C1orf21: variants seen among roughly 807,000 people sequenced by gnomAD.
C1orf21 encodes uncharacterized protein C1orf21.
In C1orf21, 3 loss-of-function variants were observed where a neutral mutation model predicts 18.7. The observed-to-expected ratio is 0.16, with a 90% CI of 0.07 to 0.42. The LOEUF (loss-of-function observed/expected upper bound fraction) is 0.42. Ranked by LOEUF, C1orf21 falls within the 10% of genes least tolerant of loss-of-function variation. C1orf21 has a pLI of 0.99. For missense variants in C1orf21, 104 were observed against 143.6 expected (o/e 0.72, Z 1.41); for synonymous variants, 41 against 46.4 (o/e 0.88, Z 0.47).
At chr1:184,489,344 A>G (rs1657780170) in intron 2 of C1orf21, among the ~76,000 whole-genome samples, 1 of 152,236 alleles carries the variant, frequency 6.6e-6, no homozygotes, top group Non-Finnish European at 1.5e-5. Context: ...ACAGAAAGAT[A>G]TTCTACTTCT....
intron 3 of C1orf21, among the ~76,000 whole-genome samples, chr1:184,578,381 G>A (rs1659225358): frequency 6.6e-6 from 1 of 152,170 alleles, no homozygotes; most frequent in Non-Finnish European, 1.5e-5. Context: ...CATGTGTTTT[G>A]TCTCATTTGA....
intron 1 of C1orf21, among the ~76,000 whole-genome samples, chr1:184,440,226 A>G (rs1656922433): frequency 6.6e-6 from 1 of 152,038 alleles, no homozygotes. Flanking sequence ...CTTTTTTATT[A>G]CTATTATTTT....
intron 2 of C1orf21, among the ~76,000 whole-genome samples, chr1:184,505,271 A>G (rs1658036022): frequency 6.8e-6 from 1 of 147,498 alleles, no homozygotes; most frequent in African/African-American, 2.5e-5. Flanking sequence ...CATCCTACAG[A>G]CAAAATCATA....
intron 3 of C1orf21, among the ~76,000 whole-genome samples, chr1:184,520,694 T>C (rs1360873119): frequency 6.8e-6 from 1 of 147,202 alleles, no homozygotes; most frequent in Non-Finnish European, 1.5e-5. Context: ...GTTATTTTCT[T>C]ATTTATTGTA....
intron 1 of C1orf21, among the ~76,000 whole-genome samples, chr1:184,441,637 T>A (rs138825356): frequency 1.5e-3 from 225 of 152,320 alleles, no homozygotes; most frequent in Middle Eastern, 0.014. Context: ...AGTTGTGTCA[T>A]CTCCATTTTA....
At chr1:184,600,546 C>A (rs910524200) in intron 5 of C1orf21, among the ~76,000 whole-genome samples, 3 of 152,158 alleles carry the variant, frequency 2.0e-5, no homozygotes, top group Non-Finnish European at 2.9e-5. Context: ...AATCTGAGAT[C>A]CCCTTTTGCT....
chr1:184,491,111 TTAAAA>T (rs968506762), intron 2 of C1orf21, among the ~76,000 whole-genome samples: 1 of 152,128 alleles, frequency 6.6e-6, no homozygotes, highest in Non-Finnish European at 1.5e-5. Context: ...AATAAAACAC[TTAAAA>T]TAATGCCTGG....
chr1:184,531,857 G>A (rs896998746), intron 3 of C1orf21, among the ~76,000 whole-genome samples: 4 of 152,080 alleles, frequency 2.6e-5, no homozygotes, highest in African/African-American at 9.7e-5. Context: ...ATTTTAATGA[G>A]ACATTTTTAT....
intron 3 of C1orf21, among the ~76,000 whole-genome samples, chr1:184,518,053 A>G (rs888703409): frequency 2.0e-5 from 3 of 152,210 alleles, no homozygotes; most frequent in Non-Finnish European, 2.9e-5. Context: ...AGAGAGAAGA[A>G]TGATACCCCT....
chr1:184,616,375 C>T (rs1469558011), intron 5 of C1orf21, among the ~76,000 whole-genome samples: 2 of 152,208 alleles, frequency 1.3e-5, no homozygotes, highest in African/African-American at 4.8e-5. Flanking sequence ...TCACTCTTTG[C>T]CTTGCAGGAC....
intron 3 of C1orf21, among the ~76,000 whole-genome samples, chr1:184,585,611 C>G (rs890846139): frequency 2.6e-5 from 4 of 152,178 alleles, no homozygotes; most frequent in African/African-American, 9.7e-5. Flanking sequence ...CTGATCCTCT[C>G]CCACCTCCCA....
Position 184,619,613 on chromosome 1 carries a change from G to A in C1orf21, c.*57G>A. 1 of 1,546,596 alleles carries A rather than the reference G, an allele frequency of 6.5e-7. No homozygotes were observed. Among genetic ancestry groups the A allele is most frequent in the African/African-American group, 1.4e-5 (1 of 72,568 alleles). On this transcript the variant is annotated 3_prime_UTR_variant, in exon 6 of 6. Coordinates refer to ENST00000235307, the MANE Select transcript of C1orf21 (RefSeq NM_030806.4). Reference sequence around the variant, plus strand: ...TACTGTGTAAATAGGTTACACCCCAGTTGAAATCTTTGCAAAGGTCGGTTC... The same window carrying A: ...TACTGTGTAAATAGGTTACACCCCAATTGAAATCTTTGCAAAGGTCGGTTC...
intron 1 of C1orf21, among the ~76,000 whole-genome samples, chr1:184,400,438 T>C (rs895900267): frequency 1.3e-5 from 2 of 152,210 alleles, no homozygotes; most frequent in African/African-American, 4.8e-5. Context: ...TATATGTATA[T>C]ATGCATGTTT....
intron 3 of C1orf21, chr1:184,567,378 T>C (rs969341003): frequency 4.0e-6 from 2 of 494,952 alleles, no homozygotes; most frequent in East Asian, 5.4e-5. Flanking sequence ...TACCAGCTCT[T>C]GTTTGGGGAA....
intron 2 of C1orf21, among the ~76,000 whole-genome samples, chr1:184,485,192 T>C (rs542481166): frequency 5.3e-4 from 81 of 152,294 alleles, no homozygotes; most frequent in Non-Finnish European, 9.6e-4. Context: ...ATGTGGCTAT[T>C]GAGCATGAGA....
intron 1 of C1orf21, among the ~76,000 whole-genome samples, chr1:184,393,332 C>G (rs535258035): frequency 6.6e-6 from 1 of 151,634 alleles, no homozygotes; most frequent in Non-Finnish European, 1.5e-5. Flanking sequence ...CCTACTTTGC[C>G]CCACACCTCC....
At chr1:184,539,645 C>A (rs1658616047) in intron 3 of C1orf21, among the ~76,000 whole-genome samples, 1 of 152,114 alleles carries the variant, frequency 6.6e-6, no homozygotes, top group Admixed American at 6.5e-5. Flanking sequence ...ATGTTTTAAC[C>A]TTTAAATTAA....
intron 1 of C1orf21, among the ~76,000 whole-genome samples, chr1:184,417,985 G>A (rs562615434): frequency 1.3e-5 from 2 of 152,180 alleles, no homozygotes; most frequent in South Asian, 2.1e-4. Flanking sequence ...TGGTTAAGGT[G>A]GTGATGGTAG....
At chr1:184,470,082 G>GT (rs1251899402) in intron 1 of C1orf21, among the ~76,000 whole-genome samples, 1 of 152,062 alleles carries the variant, frequency 6.6e-6, no homozygotes, top group Non-Finnish European at 1.5e-5. Flanking sequence ...TTGTGTGTGT[G>GT]TTTTTTTATT....
Sources: allele counts gnomAD v4.1 joint callset (sites outside exome capture counted in the v4.1 genomes callset), GRCh38; gene constraint gnomAD v4.1.1; transcripts MANE v1.5; gene names NCBI Gene and HGNC (gene_info 2026-07-23, HGNC 2026-07-21).